Variants in PCLO observed in about 807,000 individuals in gnomAD.
PCLO encodes the protein protein piccolo.
Under a neutral mutation model 427.5 loss-of-function variants are expected in PCLO, and 82 were observed. The observed-to-expected ratio is 0.19, with a 90% CI of 0.16 to 0.23. The LOEUF (loss-of-function observed/expected upper bound fraction) is 0.23. Among genes scored for constraint, PCLO ranks in the 10% least tolerant of loss-of-function variants. The pLI, the probability that PCLO is intolerant of heterozygous loss-of-function variation, is 1.00. For missense variants in PCLO, 6,239 were observed against 6,115.9 expected (o/e 1.02, Z -0.67); for synonymous variants, 2,357 against 2,155.4 (o/e 1.09, Z -2.59).
intron 3 of PCLO, among the ~76,000 whole-genome samples, chr7:83,020,513 C>A (rs990156674): frequency 6.6e-6 from 1 of 152,136 alleles, no homozygotes; most frequent in African/African-American, 2.4e-5. Flanking sequence ...TACTCTCCCA[C>A]TTTCTGCCAT....
chr7:83,131,389 G>C (rs930952599), intron 3 of PCLO, among the ~76,000 whole-genome samples: 1 of 152,080 alleles, frequency 6.6e-6, no homozygotes, highest in Non-Finnish European at 1.5e-5. Context: ...TTAGCGACAG[G>C]TGTGTTTGAT....
At chr7:83,048,829 T>A (rs1204318856) in intron 3 of PCLO, among the ~76,000 whole-genome samples, 1 of 152,128 alleles carries the variant, frequency 6.6e-6, no homozygotes, top group African/African-American at 2.4e-5. Context: ...TTATGTTTTT[T>A]CAAATTTCAG....
At chr7:82,842,354 T>C (rs1055688224) in intron 13 of PCLO, among the ~76,000 whole-genome samples, 20 of 152,148 alleles carry the variant, frequency 1.3e-4, no homozygotes, top group African/African-American at 4.6e-4. Context: ...AGGAATAAAC[T>C]TAGATCCTTA....
At chr7:83,112,759 G>T (rs531972832) in intron 3 of PCLO, among the ~76,000 whole-genome samples, 5 of 152,124 alleles carry the variant, frequency 3.3e-5, no homozygotes, top group African/African-American at 4.8e-5. Context: ...GAGAGGAAAA[G>T]CTCATTAAAT....
rs79603092 is a variant in PCLO at position 82,998,391 on chromosome 7, A to AAACAACAACAAC, written c.3301-31916_3301-31905dup. ...TCTCTCAACAAGGTCTGTCCTTTAA[A>AAACAACAACAAC]AACAACAACAACAACAACAACAACA... On this transcript the variant is annotated intron_variant, in intron 3 of 24. Transcript: ENST00000333891. Among the ~76,000 whole-genome samples, 545 of 149,282 alleles carry AAACAACAACAAC rather than the reference A, an allele frequency of 3.7e-3. 3 individuals carry two copies. The highest frequency in any genetic ancestry group is 7.6e-3 in the East Asian group (38 of 5,012).
intron 9 of PCLO, among the ~76,000 whole-genome samples, chr7:82,880,135 T>C (rs1793469224): frequency 6.6e-6 from 1 of 152,116 alleles, no homozygotes; most frequent in South Asian, 2.1e-4. Flanking sequence ...TAAATATAAG[T>C]GTTTATATTT....
chr7:83,004,648 C>A (rs1285970818), intron 3 of PCLO, among the ~76,000 whole-genome samples: 1 of 151,262 alleles, frequency 6.6e-6, no homozygotes, highest in Non-Finnish European at 1.5e-5. Context: ...AAACATAACA[C>A]TAAAAAACAA....
intron 6 of PCLO, among the ~76,000 whole-genome samples, chr7:82,931,324 A>G (rs1021639635): frequency 2.0e-5 from 3 of 152,170 alleles, no homozygotes; most frequent in African/African-American, 7.2e-5. Context: ...GCTATTTAGT[A>G]GAGCATTTTA....
At chr7:82,821,549 G>A (rs1259571673) in intron 20 of PCLO, 2 of 977,974 alleles carry the variant, frequency 2.0e-6, no homozygotes, top group Non-Finnish European at 2.4e-6. Flanking sequence ...GAAGTAACAG[G>A]GTACCTACAT....
At chr7:83,015,281 C>A (rs1345092695) in intron 3 of PCLO, among the ~76,000 whole-genome samples, 2 of 151,800 alleles carry the variant, frequency 1.3e-5, no homozygotes, top group Non-Finnish European at 2.9e-5. Context: ...CAGTTCTGGA[C>A]CCTGTGAAAA....
intron 3 of PCLO, among the ~76,000 whole-genome samples, chr7:83,066,182 A>C (rs1789666666): frequency 6.6e-6 from 1 of 152,152 alleles, no homozygotes; most frequent in African/African-American, 2.4e-5. Flanking sequence ...TACAGAAGTC[A>C]ATCAAGAAGT....
intron 16 of PCLO, among the ~76,000 whole-genome samples, chr7:82,828,182 A>ACT (rs1791996638): frequency 6.6e-6 from 1 of 151,056 alleles, no homozygotes; most frequent in Non-Finnish European, 1.5e-5. Context: ...TGCCCTTATG[A>ACT]TTTTTTTTTA....
In PCLO at chr7:82,854,239, A is replaced by G. The variant is rs138642277; in HGVS notation, c.13655-6992T>C. ...TTTCTCTCGGCATTGTTACATTGTTATATTTGTAACATTTGGATTGGTTAA... is the reference window on the plus strand; with the variant it reads ...TTTCTCTCGGCATTGTTACATTGTTGTATTTGTAACATTTGGATTGGTTAA... On this transcript the variant is annotated intron_variant, in intron 10 of 24. Coordinates refer to ENST00000333891, the MANE Select transcript of PCLO (RefSeq NM_033026.6). Among the ~76,000 whole-genome samples, 41 of 152,046 alleles carry G rather than the reference A, an allele frequency of 2.7e-4. No homozygotes were observed. The East Asian group carries it at 3.1e-3, about 12-fold the overall frequency.
In PCLO at chr7:82,755,369, C is replaced by T. The variant is rs1248053265; in HGVS notation, c.*3206G>A. 5.3e-5 allele frequency: 8 copies of T among 152,052 alleles called. No homozygotes were observed. The highest frequency in any genetic ancestry group is 5.2e-4 in the Admixed American group (8 of 15,240). 9.4% of individuals were successfully genotyped at this position (152,052 alleles called of 1,614,324 possible). On this transcript the variant is annotated 3_prime_UTR_variant, in exon 25 of 25. Coordinates refer to ENST00000333891, the MANE Select transcript of PCLO (RefSeq NM_033026.6). ...AGAGTTCAGAGTCACCAAAAATCTT[C>T]TTAATCTTAAGTAAAAACAGAGAAA...
rs564954479 is a variant in PCLO, at chr7:83,120,615, TA to T, written c.3300+13634del. Among the ~76,000 whole-genome samples the T allele has an allele frequency of 2.6e-4, 39 of 152,032 alleles. No individual in the cohort carries two copies. In the East Asian group the frequency reaches 5.4e-3, roughly 21 times the overall value. On this transcript the variant is annotated intron_variant, in intron 3 of 24. Coordinates refer to ENST00000333891, the MANE Select transcript of PCLO (RefSeq NM_033026.6). ...AGCAAGAAAAAAGAAGAAAATAACA[TA>T]AACATGAGCTCCAATACATCTGGCA...
At chr7:83,031,892 T>G (rs1384116882) in intron 3 of PCLO, among the ~76,000 whole-genome samples, 2 of 152,052 alleles carry the variant, frequency 1.3e-5, no homozygotes, top group African/African-American at 4.8e-5. Context: ...TTTTAATAAT[T>G]CCCCTTACTT....
At chr7:82,923,138 T>C (rs1794636546) in intron 6 of PCLO, among the ~76,000 whole-genome samples, 1 of 152,006 alleles carries the variant, frequency 6.6e-6, no homozygotes, top group Admixed American at 6.6e-5. Context: ...TATGTATATG[T>C]ATTGGGAACT....
chr7:82,827,983 GAA>G lies in PCLO; in HGVS notation c.14250-19_14250-18del, dbSNP rs748798680. 7.0e-7 allele frequency: 1 copy of G among 1,423,340 alleles called. No homozygotes were observed. Among genetic ancestry groups the G allele is most frequent in the Non-Finnish European group, 9.9e-7 (1 of 1,010,932 alleles). The allele number at this position is 1,423,340 out of a possible 1,614,324, so 88.2% of individuals were successfully genotyped here. ...TACTCAGCACTGAATTGGGAGAAAAGAAAGAGTTATCTTGATTATTCACCTTA... is the reference window on the plus strand; with the variant it reads ...TACTCAGCACTGAATTGGGAGAAAAGAGAGTTATCTTGATTATTCACCTTA... On this transcript the variant is annotated intron_variant, in intron 16 of 24. Transcript: ENST00000333891.
At chr7:83,052,095 T>C (rs932002180) in intron 3 of PCLO, among the ~76,000 whole-genome samples, 10 of 151,794 alleles carry the variant, frequency 6.6e-5, no homozygotes, top group African/African-American at 2.4e-4. Flanking sequence ...TAGGAGATAA[T>C]GTAGGAGAAA....
Sources: gnomAD v4.1 joint callset for allele counts (sites outside exome capture counted in the v4.1 genomes callset) on GRCh38, gnomAD v4.1.1 for gene constraint, MANE v1.5 for transcripts, NCBI Gene and HGNC (gene_info 2026-07-23, HGNC 2026-07-21) for gene names.